The following EPHA5 variants were observed in gnomAD, a reference collection of about 807,000 sequenced individuals.
The protein encoded by EPHA5 is ephrin type-A receptor 5.
A neutral mutation model predicts 105.0 loss-of-function variants in EPHA5; 60 were observed. That is an observed-to-expected ratio of 0.57 (90% CI 0.46 to 0.71). EPHA5 has a LOEUF of 0.71. EPHA5 is among the 30% of genes least tolerant of loss of function. The probability of loss-of-function intolerance (pLI) is 0.00; values close to 1 mark genes in which losing one functional copy is unlikely to be tolerated. For missense variants in EPHA5, 1,218 were observed against 1,274.7 expected (o/e 0.96, Z 0.68); for synonymous variants, 513 against 449.1 (o/e 1.14, Z -1.80).
chr4:65,596,729 C>T (rs1743231860), intron 3 of EPHA5, among the ~76,000 whole-genome samples: 1 of 151,344 alleles, frequency 6.6e-6, no homozygotes. Context: ...ACACAGGCAC[C>T]ATTGATATTC....
In EPHA5 at chr4:65,387,535, A is replaced by G. The variant is rs558505255; in HGVS notation, c.1793+16839T>C. 7.9e-5 allele frequency among the ~76,000 whole-genome samples: 12 copies of G among 152,054 alleles called. No individual in the cohort carries two copies. In the East Asian group the frequency reaches 9.7e-4, roughly 12 times the overall value. On this transcript the variant is annotated intron_variant, in intron 8 of 16. Transcript: ENST00000613740. ...CTGAAAAGCAACAGTATACACTAGC[A>G]CAGGTTTGAAATGATTAATAATACA...
At chr4:65,427,904 A>C (rs1171289775) in intron 5 of EPHA5, among the ~76,000 whole-genome samples, 1 of 152,142 alleles carries the variant, frequency 6.6e-6, no homozygotes, top group Non-Finnish European at 1.5e-5. Context: ...TATCTTTACT[A>C]TCTATGTGTA....
At chr4:65,438,099 C>A (rs1276152617) in intron 5 of EPHA5, among the ~76,000 whole-genome samples, 3 of 151,880 alleles carry the variant, frequency 2.0e-5, no homozygotes, top group African/African-American at 7.2e-5. Flanking sequence ...ATGTGCCAGG[C>A]ATTATTTTAA....
intron 5 of EPHA5, among the ~76,000 whole-genome samples, chr4:65,464,982 A>G (rs1284726557): frequency 6.6e-6 from 1 of 152,178 alleles, no homozygotes; most frequent in Non-Finnish European, 1.5e-5. Context: ...AGCTTATAGC[A>G]TAGTAGAAGA....
chr4:65,557,157 C>A (rs1738528240), intron 3 of EPHA5, among the ~76,000 whole-genome samples: 1 of 145,234 alleles, frequency 6.9e-6, no homozygotes, highest in Non-Finnish European at 1.5e-5. Flanking sequence ...AAAGATGAAA[C>A]CAGATTTGGG....
intron 3 of EPHA5, among the ~76,000 whole-genome samples, chr4:65,592,220 A>T (rs1434712820): frequency 6.6e-6 from 1 of 152,156 alleles, no homozygotes; most frequent in Non-Finnish European, 1.5e-5. Context: ...TTTTGTTTTA[A>T]CACAAATTCC....
At chr4:65,602,500 A>G (rs1743836814) in intron 2 of EPHA5, among the ~76,000 whole-genome samples, 196 bp from the exon 3 acceptor site, 1 of 152,190 alleles carries the variant, frequency 6.6e-6, no homozygotes, top group South Asian at 2.1e-4. Context: ...TTTTTAAATT[A>G]AAAGTAAATT....
chr4:65,549,815 A>G (rs1737725689), intron 3 of EPHA5, among the ~76,000 whole-genome samples: 1 of 152,144 alleles, frequency 6.6e-6, no homozygotes, highest in Non-Finnish European at 1.5e-5. Context: ...GCATATGTTC[A>G]AACTTTGATA....
intron 1 of EPHA5, among the ~76,000 whole-genome samples, chr4:65,665,597 A>G (rs1457052460): frequency 6.6e-6 from 1 of 152,140 alleles, no homozygotes; most frequent in Non-Finnish European, 1.5e-5. Context: ...GAATTGGAAT[A>G]AAGAGCCAAC....
chr4:65,612,050 GA>G (rs1744828926), intron 2 of EPHA5, among the ~76,000 whole-genome samples: 6 of 110,746 alleles, frequency 5.4e-5, no homozygotes, highest in South Asian at 3.0e-4. Flanking sequence ...GGAAAGAAAA[GA>G]AAAGAAAAGA....
intron 16 of EPHA5, among the ~76,000 whole-genome samples, chr4:65,330,013 A>C (rs1394529269): frequency 6.6e-6 from 1 of 151,424 alleles, no homozygotes; most frequent in Non-Finnish European, 1.5e-5. Context: ...GAGTTGCCCC[A>C]AAAACCAGCT....
chr4:65,505,728 C>A (rs1014868138), intron 3 of EPHA5, among the ~76,000 whole-genome samples: 2 of 152,034 alleles, frequency 1.3e-5, no homozygotes, highest in African/African-American at 4.8e-5. Flanking sequence ...ACCTCTTTTC[C>A]ATCTTCTCAA....
At chr4:65,326,134 C>T (rs1275582508) in intron 16 of EPHA5, among the ~76,000 whole-genome samples, 9 of 150,210 alleles carry the variant, frequency 6.0e-5, no homozygotes, top group African/African-American at 2.2e-4. Flanking sequence ...AAATTGGTGA[C>T]ATTTAATAGA....
intron 14 of EPHA5, among the ~76,000 whole-genome samples, chr4:65,341,411 A>T (rs1721705149): frequency 6.6e-6 from 1 of 151,978 alleles, no homozygotes; most frequent in Admixed American, 6.6e-5. Context: ...AGAAATCATC[A>T]TCGCTACACT....
intron 2 of EPHA5, among the ~76,000 whole-genome samples, chr4:65,610,867 T>A (rs1744700092): frequency 6.6e-6 from 1 of 152,150 alleles, no homozygotes; most frequent in Non-Finnish European, 1.5e-5. Flanking sequence ...TACCACTGTA[T>A]ATGGAGACAC....
chr4:65,333,958 A>G (rs566929058), intron 15 of EPHA5, among the ~76,000 whole-genome samples: 3 of 151,824 alleles, frequency 2.0e-5, no homozygotes, highest in Admixed American at 1.3e-4. Context: ...ATCATTGTGC[A>G]TACCATCTAT....
At position 65,366,023 on chromosome 4, in the gene EPHA5, T is replaced by A; in HGVS notation, c.1896A>T (p.Pro632=). Reference sequence around the variant, plus strand: ...CTTGATTGGGATCCTCATAGGTATGTGGATCAATGTAAGTTCTTACTCCTG... The same window carrying A: ...CTTGATTGGGATCCTCATAGGTATGAGGATCAATGTAAGTTCTTACTCCTG... The part of the protein sequence containing the change: ...KLPGVRTYID[P]HTYEDPNQAV... Residue 632 remains proline (P), a synonymous_variant, in exon 10 of 17, where the codon CCA becomes CCT. Transcript: ENST00000613740. 6.3e-7 allele frequency: 1 copy of A among 1,599,654 alleles called. No homozygotes were observed. The highest frequency in any genetic ancestry group is 8.5e-7 in the Non-Finnish European group (1 of 1,169,644).
chr4:65,579,830 A>G (rs1174130797), intron 3 of EPHA5, among the ~76,000 whole-genome samples: 1 of 152,024 alleles, frequency 6.6e-6, no homozygotes, highest in Non-Finnish European at 1.5e-5. Flanking sequence ...TAGCCGATCA[A>G]TGTAAACATA....
intron 5 of EPHA5, among the ~76,000 whole-genome samples, chr4:65,425,489 T>C (rs919459218): frequency 2.6e-5 from 4 of 152,082 alleles, no homozygotes. Flanking sequence ...ACTCTGTAGG[T>C]CAAGTTGGGA....
Sources: allele counts gnomAD v4.1 joint callset (sites outside exome capture counted in the v4.1 genomes callset), GRCh38; gene constraint gnomAD v4.1.1; transcripts MANE v1.5; gene names NCBI Gene and HGNC (gene_info 2026-07-23, HGNC 2026-07-21).